FMN2: variants seen among roughly 807,000 people sequenced by gnomAD.
FMN2 encodes formin-2.
In FMN2, 51 loss-of-function variants were observed where a neutral mutation model predicts 142.3. The ratio of observed to expected loss-of-function variants is 0.36; its 90% CI spans 0.29 to 0.45. FMN2 has a LOEUF of 0.45. FMN2 is among the 20% of genes least tolerant of loss of function. The pLI is 1.00. For missense variants in FMN2, 1,936 were observed against 2,122.8 expected (o/e 0.91, Z 1.73); for synonymous variants, 882 against 869.8 (o/e 1.01, Z -0.25).
intron 2 of FMN2, among the ~76,000 whole-genome samples, chr1:240,160,709 C>T (rs970601962): frequency 6.6e-6 from 1 of 151,844 alleles, no homozygotes; most frequent in African/African-American, 2.4e-5. Context: ...AATGAGAAAA[C>T]AATGCCACTA....
rs71567282 is a variant in FMN2 at position 240,241,825 on chromosome 1, C to CTTTTTTTTTTTTTTTTTT, written c.4066-16108_4066-16091dup. On this transcript the variant is annotated intron_variant, in intron 6 of 17. Coordinates refer to ENST00000319653, the MANE Select transcript of FMN2 (RefSeq NM_020066.5). ...ATTTTCTTTATTTTAGTGTGCCTTG[C>CTTTTTTTTTTTTTTTTTT]TTTTTTTTTTTTTTTTTTTTTTTTT... 1.1e-4 allele frequency among the ~76,000 whole-genome samples: 11 copies of CTTTTTTTTTTTTTTTTTT among 96,232 alleles called. 1 individual carries two copies. The highest frequency in any genetic ancestry group is 3.8e-4 in the African/African-American group (10 of 26,326). The allele number at this position is 96,232 out of a possible 152,430, so 63.1% of individuals were successfully genotyped here. A position where few individuals can be genotyped will look rare whatever the true frequency, so the allele number is the denominator to read the frequency against.
At chr1:240,389,338 T>A (rs1182057934) in intron 14 of FMN2, among the ~76,000 whole-genome samples, 2 of 152,156 alleles carry the variant, frequency 1.3e-5, no homozygotes, top group Non-Finnish European at 2.9e-5. Flanking sequence ...TAACAATAAG[T>A]TGTTGCAAAT....
chr1:240,129,031 G>A (rs1170486274), intron 2 of FMN2, among the ~76,000 whole-genome samples: 2 of 151,910 alleles, frequency 1.3e-5, no homozygotes, highest in East Asian at 1.9e-4. Flanking sequence ...GCACCACGAC[G>A]CCGAGCTAAT....
chr1:240,280,997 A>T (rs1669378064), intron 7 of FMN2, among the ~76,000 whole-genome samples: 1 of 152,060 alleles, frequency 6.6e-6, no homozygotes, highest in African/African-American at 2.4e-5. Flanking sequence ...CTTGGTATCC[A>T]TTTTTTTCCC....
At chr1:240,324,791 A>G (rs1029068684) in intron 8 of FMN2, among the ~76,000 whole-genome samples, 2 of 145,274 alleles carry the variant, frequency 1.4e-5, no homozygotes, top group Non-Finnish European at 3.0e-5. Flanking sequence ...TAAACCTTGC[A>G]TCAAAAAAAA....
chr1:240,394,574 A>C (rs1184498484), intron 15 of FMN2, among the ~76,000 whole-genome samples: 1 of 152,222 alleles, frequency 6.6e-6, no homozygotes, highest in African/African-American at 2.4e-5. Context: ...GGAAGTAGCT[A>C]AACAACATAT....
At chr1:240,289,861 A>G (rs1033612599) in intron 7 of FMN2, among the ~76,000 whole-genome samples, 1 of 152,312 alleles carries the variant, frequency 6.6e-6, no homozygotes. Context: ...CAGTTCTTTG[A>G]AAGTATAGAG....
At chr1:240,425,600 T>G (rs947895544) in intron 15 of FMN2, among the ~76,000 whole-genome samples, 1 of 152,150 alleles carries the variant, frequency 6.6e-6, no homozygotes, top group South Asian at 2.1e-4. Flanking sequence ...CATGAGACAG[T>G]GCTTATCATT....
chr1:240,125,366 C>T (rs1662452515), intron 2 of FMN2, among the ~76,000 whole-genome samples: 1 of 152,294 alleles, frequency 6.6e-6, no homozygotes, highest in African/African-American at 2.4e-5. Context: ...TGCAGCTAAT[C>T]GCTGCTAGGT....
chr1:240,124,793 G>A (rs1044625060), intron 2 of FMN2, among the ~76,000 whole-genome samples: 1 of 151,888 alleles, frequency 6.6e-6, no homozygotes, highest in Non-Finnish European at 1.5e-5. Context: ...TCAGCCTCTT[G>A]AGTAACTGGG....
intron 2 of FMN2, among the ~76,000 whole-genome samples, chr1:240,125,667 C>A (rs557310118): frequency 1.3e-5 from 2 of 152,168 alleles, no homozygotes; most frequent in Non-Finnish European, 2.9e-5. Flanking sequence ...TCTTGCCAGT[C>A]GATAAATGTA....
At chr1:240,442,293 A>G (rs921320905) in intron 16 of FMN2, among the ~76,000 whole-genome samples, 9 of 152,136 alleles carry the variant, frequency 5.9e-5, no homozygotes, top group Non-Finnish European at 1.0e-4. Context: ...TTCCATATCC[A>G]TCTGCAAAAA....
intron 2 of FMN2, chr1:240,142,748 C>A: frequency 6.2e-7 from 1 of 1,606,968 alleles, no homozygotes; most frequent in Non-Finnish European, 8.5e-7. Flanking sequence ...CCTCAGTGGC[C>A]AATTCTGCCC....
chr1:240,419,032 C>T (rs754926706), intron 15 of FMN2, among the ~76,000 whole-genome samples: 8 of 152,176 alleles, frequency 5.3e-5, no homozygotes, highest in East Asian at 1.9e-4. Flanking sequence ...TGCTTGATCC[C>T]GCGAGGCGGA....
chr1:240,211,099 G>T lies in FMN2; in HGVS notation c.3929G>T (p.Ser1310Ile). The change falls in exon 6 of 18, where the codon AGT becomes ATT. Residue 1310 changes from serine to isoleucine, a missense_variant. This residue lies in a region of FMN2 where 259 missense variants were observed against 230.9 expected (regional missense o/e 1.12). Coordinates refer to ENST00000319653, the MANE Select transcript of FMN2 (RefSeq NM_020066.5). ...RIQLHSKRDS[S>I]TSLIWEKIEE... ...CTTTTGCTTAATTTTAGAGACTCCA[G>T]TACTTCACTTATTTGGGAAAAAATT... The T allele has an allele frequency of 2.5e-6, 4 of 1,611,384 alleles. No homozygotes were observed. The highest frequency in any genetic ancestry group is 3.4e-6 in the Non-Finnish European group (4 of 1,179,626).
intron 2 of FMN2, among the ~76,000 whole-genome samples, chr1:240,151,418 A>G (rs1663767860): frequency 6.6e-6 from 1 of 152,040 alleles, no homozygotes; most frequent in African/African-American, 2.4e-5. Context: ...TTTCTGTGAA[A>G]AGAGACCCAA....
chr1:240,446,290 A>G (rs1225111660), intron 16 of FMN2, among the ~76,000 whole-genome samples: 1 of 152,208 alleles, frequency 6.6e-6, no homozygotes, highest in Non-Finnish European at 1.5e-5. Flanking sequence ...AAACTGAAGA[A>G]ACTCTCAGTA....
intron 1 of FMN2, among the ~76,000 whole-genome samples, chr1:240,122,250 GTTATTTATTTAT>G (rs59141517): frequency 1.3e-5 from 2 of 149,208 alleles, no homozygotes; most frequent in Non-Finnish European, 3.0e-5. Flanking sequence ...ACCACGGCTG[GTTATTTATTTAT>G]TTATTTATTT....
chr1:240,186,856 T>C (rs983641512), intron 3 of FMN2, among the ~76,000 whole-genome samples: 6 of 152,154 alleles, frequency 3.9e-5, no homozygotes, highest in African/African-American at 1.4e-4. Context: ...AAAACTTTCA[T>C]TGTAGCTTAA....
Sources: gnomAD v4.1 joint callset for allele counts (sites outside exome capture counted in the v4.1 genomes callset) on GRCh38, gnomAD v4.1.1 for gene constraint, gnomAD v4.1.1 regional missense constraint, MANE v1.5 for transcripts, NCBI Gene and HGNC (gene_info 2026-07-23, HGNC 2026-07-21) for gene names.